TIGAR: variants seen among roughly 807,000 people sequenced by gnomAD.
TIGAR encodes the protein fructose-2,6-bisphosphatase TIGAR.
Under a neutral mutation model 17.9 loss-of-function variants are expected in TIGAR, and 7 were observed. The ratio of observed to expected loss-of-function variants is 0.39; its 90% CI spans 0.22 to 0.73. The LOEUF (loss-of-function observed/expected upper bound fraction) is 0.73, where lower values mean the gene tolerates loss of function less well. Ranked by LOEUF, TIGAR falls within the 30% of genes least tolerant of loss-of-function variation. TIGAR has a pLI of 0.42. For synonymous variants in TIGAR, 94 were observed against 108.6 expected (o/e 0.87, Z 0.84); for missense variants, 258 against 327.4 (o/e 0.79, Z 1.64).
intron 2 of TIGAR, among the ~76,000 whole-genome samples, chr12:4,334,624 A>G (rs933269415): frequency 6.6e-5 from 10 of 152,216 alleles, no homozygotes; most frequent in African/African-American, 2.4e-4. Flanking sequence ...AAATTTATGA[A>G]TATATTTGCA....
At chr12:4,337,261 G>C in intron 3 of TIGAR, 101 bp downstream of exon 3, 1 of 805,990 alleles carries the variant, frequency 1.2e-6, no homozygotes, top group East Asian at 3.0e-5. Context: ...CCATCTCCCG[G>C]GTTCAAGTGA....
At chr12:4,328,613 G>A (rs1046802845) in intron 1 of TIGAR, among the ~76,000 whole-genome samples, 9 of 141,802 alleles carry the variant, frequency 6.3e-5, no homozygotes, top group Admixed American at 2.9e-4. Context: ...GTCTTGCTCT[G>A]TTGCCCAGGC....
chr12:4,329,825 AT>A (rs1261841046), intron 1 of TIGAR, among the ~76,000 whole-genome samples: 1 of 152,104 alleles, frequency 6.6e-6, no homozygotes, highest in Non-Finnish European at 1.5e-5. Flanking sequence ...AGGGTATGCA[AT>A]CCCTGCTTGT....
Position 4,342,495 on chromosome 12 carries a change from G to C in TIGAR, c.192+5335G>C, listed in dbSNP as rs557756919. 2.0e-5 allele frequency among the ~76,000 whole-genome samples: 3 copies of C among 152,296 alleles called. No homozygotes were observed. The East Asian group carries it at 5.8e-4, about 29-fold the overall frequency. On this transcript the variant is annotated intron_variant, in intron 3 of 5. Transcript: ENST00000179259. Reference sequence around the variant, plus strand: ...TAAGGGCAGCCAGAGAGAAAGGTCAGGTTACCCACAAAGGGAACCCCATCA... The same window carrying C: ...TAAGGGCAGCCAGAGAGAAAGGTCACGTTACCCACAAAGGGAACCCCATCA...
At position 4,356,762 on chromosome 12, in the gene TIGAR, T is replaced by C. The variant is rs1338231808; in HGVS notation, c.*4071T>C. Among the ~76,000 whole-genome samples the C allele has an allele frequency of 6.6e-6, 1 of 152,206 alleles. No individual in the cohort carries two copies. The highest frequency in any genetic ancestry group is 1.5e-5 in the Non-Finnish European group (1 of 68,040). On this transcript the variant is annotated 3_prime_UTR_variant, in exon 6 of 6. Transcript: ENST00000179259. ...CTCATCTTTCCCACCTTGTCTTGCC[T>C]GTTTCTGTTAGGTTTAGTCCGAGGC...
chr12:4,349,392 A>G (rs2120689885), intron 3 of TIGAR, among the ~76,000 whole-genome samples: 1 of 152,204 alleles, frequency 6.6e-6, no homozygotes, highest in East Asian at 1.9e-4. Context: ...CAGAGAGGCA[A>G]CTTTTGCAAA....
Position 4,352,493 on chromosome 12 carries a change from G to A in TIGAR, c.615G>A (p.Leu205=). The A allele has an allele frequency of 6.2e-7, 1 of 1,614,090 alleles. No homozygotes were observed. ...GTCACGGTGCTTACATGAGAAGTCT[G>A]TTTGATTATTTTCTGACTGACCTTA... The part of the protein sequence containing the change: ...VVSHGAYMRS[L]FDYFLTDLKC... The change falls in exon 6 of 6, where the codon CTG becomes CTA. Residue 205 remains leucine, a synonymous_variant. Coordinates refer to ENST00000179259, the MANE Select transcript of TIGAR (RefSeq NM_020375.3).
chr12:4,357,007 C>G lies in TIGAR; in HGVS notation c.*4316C>G, dbSNP rs188929005. Among the ~76,000 whole-genome samples the G allele has an allele frequency of 6.6e-6, 1 of 152,142 alleles. No homozygotes were observed. Among genetic ancestry groups the G allele is most frequent in the Non-Finnish European group, 1.5e-5 (1 of 68,004 alleles). ...CCTTTATTGCTTTTTAACTAAAAAC[C>G]TGTTTTAGTTAGCATCTTTATTCTA... is the stretch of plus-strand genomic sequence containing the variant. On this transcript the variant is annotated 3_prime_UTR_variant, in exon 6 of 6. Coordinates refer to ENST00000179259, the MANE Select transcript of TIGAR (RefSeq NM_020375.3).
In TIGAR at chr12:4,350,072, A is replaced by T. The variant is rs867416123; in HGVS notation, c.270+176A>T. On this transcript the variant is annotated intron_variant, in intron 4 of 5. Transcript: ENST00000179259. ...ATACCCTCGTATATAGGATCTTATT[A>T]TTAAAATCAAACGAGACAAGCATCT... 3.9e-4 allele frequency among the ~76,000 whole-genome samples: 60 copies of T among 152,236 alleles called. 1 individual carries two copies. The highest frequency in any genetic ancestry group is 1.4e-3 in the African/African-American group (59 of 41,462).
At chr12:4,332,930 T>C (rs1255498063) in intron 2 of TIGAR, among the ~76,000 whole-genome samples, 2 of 152,170 alleles carry the variant, frequency 1.3e-5, no homozygotes, top group African/African-American at 4.8e-5. Flanking sequence ...AATTTCCTGC[T>C]GCAGTGGCCA....
At chr12:4,340,189 T>C (rs750782341) in intron 3 of TIGAR, among the ~76,000 whole-genome samples, 5 of 152,172 alleles carry the variant, frequency 3.3e-5, no homozygotes, top group Non-Finnish European at 7.4e-5. Context: ...AAAAAACAAT[T>C]AGAACTGATA....
intron 2 of TIGAR, among the ~76,000 whole-genome samples, chr12:4,332,997 G>T (rs1033397891): frequency 1.3e-5 from 2 of 152,100 alleles, no homozygotes; most frequent in African/African-American, 4.8e-5. Flanking sequence ...TTCTGCTTTT[G>T]TATCGACTGA....
In TIGAR at chr12:4,321,776, C is replaced by G. The variant is rs938454483; in HGVS notation, c.32+473C>G. Reference sequence around the variant, plus strand: ...CCTCGTTTCCCCAGGCAGTCAGCCCCCCAGGCACATATATGAGACTTCTTT... The same window carrying G: ...CCTCGTTTCCCCAGGCAGTCAGCCCGCCAGGCACATATATGAGACTTCTTT... On this transcript the variant is annotated intron_variant, in intron 1 of 5. Coordinates refer to ENST00000179259, the MANE Select transcript of TIGAR (RefSeq NM_020375.3). This position sits in a 1 kb window ranked among gnomAD's most constrained non-coding sequence, Gnocchi z 5.2. 6.6e-6 allele frequency among the ~76,000 whole-genome samples: 1 copy of G among 152,198 alleles called. No individual in the cohort carries two copies. Among genetic ancestry groups the G allele is most frequent in the Non-Finnish European group, 1.5e-5 (1 of 68,038 alleles).
At chr12:4,336,496 T>TCACA (rs1185688220) in intron 2 of TIGAR, among the ~76,000 whole-genome samples, 1 of 103,064 alleles carries the variant, frequency 9.7e-6, no homozygotes, top group East Asian at 2.7e-4. Flanking sequence ...ACACACACAC[T>TCACA]CACACACATA....
chr12:4,332,444 ATGTTGG>A (rs1341505191), intron 2 of TIGAR, among the ~76,000 whole-genome samples: 1 of 151,964 alleles, frequency 6.6e-6, no homozygotes, highest in Non-Finnish European at 1.5e-5. Context: ...GTGTTTTGCC[ATGTTGG>A]CCAGGCTGGT....
rs1283627157 is a variant in TIGAR at position 4,353,409 on chromosome 12, G to A, written c.*718G>A. 1 of 152,244 alleles carries A rather than the reference G, an allele frequency of 6.6e-6. No homozygotes were observed. 9.4% of individuals were successfully genotyped at this position (152,244 alleles called of 1,614,324 possible). ...TGGAAACCAGGAAAGCCAAAAAAATGAAGAATATCCACTTGCTTCTTATCT... is the reference window on the plus strand; with the variant it reads ...TGGAAACCAGGAAAGCCAAAAAAATAAAGAATATCCACTTGCTTCTTATCT... On this transcript the variant is annotated 3_prime_UTR_variant, in exon 6 of 6. Coordinates refer to ENST00000179259, the MANE Select transcript of TIGAR (RefSeq NM_020375.3).
intron 3 of TIGAR, among the ~76,000 whole-genome samples, chr12:4,345,191 A>AT (rs1364792680): frequency 1.3e-5 from 2 of 152,200 alleles, no homozygotes; most frequent in Admixed American, 1.3e-4. Flanking sequence ...GCCCAAGGTA[A>AT]TTTATAGATT....
chr12:4,352,184 C>T lies in TIGAR; in HGVS notation c.382-76C>T. 3 of 1,281,126 alleles carry T rather than the reference C, an allele frequency of 2.3e-6. No homozygotes were observed. The South Asian group carries it at 4.4e-5, about 19-fold the overall frequency. 79.4% of individuals were successfully genotyped at this position (1,281,126 alleles called of 1,614,324 possible). On this transcript the variant is annotated intron_variant, in intron 5 of 5. Transcript: ENST00000179259. ...ATTCAATATTAGAAAAAAATCCAGT[C>T]AGTTATGTTCTATGTTAACGTTTTA...
At chr12:4,347,108 G>A (rs1864789825) in intron 3 of TIGAR, among the ~76,000 whole-genome samples, 1 of 152,190 alleles carries the variant, frequency 6.6e-6, no homozygotes, top group Non-Finnish European at 1.5e-5. Flanking sequence ...CTCCCATATT[G>A]CAGCACTTTT....
Sources: allele counts gnomAD v4.1 joint callset (sites outside exome capture counted in the v4.1 genomes callset), GRCh38; gene constraint gnomAD v4.1.1; non-coding constraint Gnocchi (gnomAD v3.1); transcripts MANE v1.5; gene names NCBI Gene and HGNC (gene_info 2026-07-23, HGNC 2026-07-21).